The following LRRK2 variants were observed in gnomAD, a reference collection of about 807,000 sequenced individuals.
LRRK2 encodes leucine rich repeat kinase 2, also known as leucine-rich repeat serine/threonine-protein kinase 2.
LRRK2 carries 203 observed loss-of-function variants against 302.6 expected under a neutral mutation model. The ratio of observed to expected loss-of-function variants is 0.67; its 90% CI spans 0.60 to 0.75. The LOEUF (loss-of-function observed/expected upper bound fraction) is 0.75. LRRK2 is among the 30% of genes least tolerant of loss of function. LRRK2 has a pLI of 0.00. For missense variants in LRRK2, 2,830 were observed against 2,951.0 expected (o/e 0.96, Z 0.95); for synonymous variants, 1,066 against 1,031.9 (o/e 1.03, Z -0.63).
At chr12:40,300,928 C>T (rs73268092) in intron 25 of LRRK2, 1 of 470,884 alleles carries the variant, frequency 2.1e-6, no homozygotes, top group Non-Finnish European at 4.4e-6. Flanking sequence ...TCCAAAAGGA[C>T]CTTGAAGCTT....
intron 49 of LRRK2, 121 bp from the exon 50 acceptor site, chr12:40,366,885 T>C (rs1188505098): frequency 4.3e-6 from 3 of 698,572 alleles, no homozygotes; most frequent in East Asian, 5.7e-5. Flanking sequence ...ACCTAGAAAA[T>C]AGAATTGTGA....
intron 23 of LRRK2, among the ~76,000 whole-genome samples, chr12:40,297,194 A>G (rs1294290840): frequency 6.6e-6 from 1 of 152,222 alleles, no homozygotes; most frequent in African/African-American, 2.4e-5. Flanking sequence ...GAAACTTGGT[A>G]ATCCTTCAAT....
chr12:40,355,003 G>C (rs1042106234), intron 45 of LRRK2, among the ~76,000 whole-genome samples: 19 of 152,126 alleles, frequency 1.2e-4, no homozygotes, highest in African/African-American at 4.6e-4. Flanking sequence ...TTGTCCCAAA[G>C]AAATATATCT....
intron 2 of LRRK2, among the ~76,000 whole-genome samples, chr12:40,226,875 G>C (rs557112945): frequency 2.7e-4 from 41 of 152,250 alleles, no homozygotes; most frequent in Middle Eastern, 6.8e-3. Flanking sequence ...AGAAGTGCCT[G>C]ATTCTGGCCA....
chr12:40,297,683 A>G lies in LRRK2; in HGVS notation c.3097-560A>G, dbSNP rs111939128. 3.2e-3 allele frequency among the ~76,000 whole-genome samples: 480 copies of G among 152,276 alleles called. 5 individuals carry two copies. The highest frequency in any genetic ancestry group is 0.01 in the African/African-American group (424 of 41,576). On this transcript the variant is annotated intron_variant, in intron 23 of 50. Transcript: ENST00000298910. ...TACGTACCTAAGTTTTAAAAAATTGACATAATGTGTAAGTAGGGGTTTGCT... is the reference window on the plus strand; with the variant it reads ...TACGTACCTAAGTTTTAAAAAATTGGCATAATGTGTAAGTAGGGGTTTGCT...
At chr12:40,225,327 C>A in intron 1 of LRRK2, 45 bp downstream of exon 1, 1 of 1,605,364 alleles carries the variant, frequency 6.2e-7, no homozygotes, top group Non-Finnish European at 8.5e-7. Flanking sequence ...TGCAAACTTT[C>A]TCCCCCTCCT....
chr12:40,319,232 C>T (rs1278798753), intron 33 of LRRK2, among the ~76,000 whole-genome samples: 1 of 152,030 alleles, frequency 6.6e-6, no homozygotes, highest in Non-Finnish European at 1.5e-5. Context: ...ATTCTCAGGG[C>T]AATCTAAGAC....
intron 13 of LRRK2, among the ~76,000 whole-genome samples, chr12:40,262,399 T>C (rs1220015234): frequency 6.6e-6 from 1 of 152,136 alleles, no homozygotes; most frequent in Non-Finnish European, 1.5e-5. Context: ...ATTTTTAAGG[T>C]CAGGCCTGAT....
Position 40,314,108 on chromosome 12 carries a change from G to C in LRRK2, c.4673G>C (p.Arg1558Thr). The C allele has an allele frequency of 6.2e-7, 1 of 1,612,740 alleles. No individual in the cohort carries two copies. Among genetic ancestry groups the C allele is most frequent in the Non-Finnish European group, 8.5e-7 (1 of 1,179,046 alleles). Reference protein sequence around the residue: ...IDRKRLLQLVRENQLQLDENE... With the variant: ...IDRKRLLQLVTENQLQLDENE... ...CGGAAACGATTATTACAACTAGTGA[G>C]AGAAAATCAGCTGCAGTTAGATGAA... The change falls in exon 32 of 51, where the codon AGA (arginine) becomes ACA (threonine). Residue 1558 changes from arginine to threonine, a missense_variant. By Grantham distance (71) the Arg-to-Thr change is moderately conservative. Coordinates refer to ENST00000298910, the MANE Select transcript of LRRK2 (RefSeq NM_198578.4).
intron 22 of LRRK2, 59 bp from the exon 23 acceptor site, chr12:40,295,368 A>G: frequency 3.9e-6 from 6 of 1,523,436 alleles, no homozygotes; most frequent in Non-Finnish European, 5.4e-6. Context: ...CTAAACTTTT[A>G]CTACATGAAT....
chr12:40,320,016 C>T lies in LRRK2; in HGVS notation c.4856C>T (p.Pro1619Leu), dbSNP rs760912433. The change falls in exon 34 of 51, where the codon CCA becomes CTA. Residue 1619 changes from proline (P) to leucine (L), a missense_variant. This residue lies in a region of LRRK2 where 2,121 missense variants were observed against 2,148.0 expected (regional missense o/e 0.99). Transcript: ENST00000298910. ...TTGACAGTGAAAGTGGAAGGTTGTC[C>T]AAAACACCCTAAGGGCATTATTTCG... Reference protein sequence around the residue: ...QILTVKVEGCPKHPKGIISRR... With the variant: ...QILTVKVEGCLKHPKGIISRR... 2 of 1,610,200 alleles carry T rather than the reference C, an allele frequency of 1.2e-6. No individual in the cohort carries two copies. Among genetic ancestry groups the T allele is most frequent in the Admixed American group, 1.7e-5 (1 of 59,574 alleles).
At chr12:40,274,793 T>A (rs2136605735) in intron 15 of LRRK2, 61 bp from the exon 16 acceptor site, 1 of 1,609,214 alleles carries the variant, frequency 6.2e-7, no homozygotes, top group East Asian at 2.2e-5. Flanking sequence ...TGACTGGATG[T>A]CTTTAAATAT....
At chr12:40,262,325 ATAT>A (rs1361044402) in intron 13 of LRRK2, among the ~76,000 whole-genome samples, 1 of 152,070 alleles carries the variant, frequency 6.6e-6, no homozygotes, top group Non-Finnish European at 1.5e-5. Context: ...CATGAGGCAG[ATAT>A]TATTATTATT....
intron 46 of LRRK2, among the ~76,000 whole-genome samples, chr12:40,356,702 T>G (rs1946550061): frequency 6.6e-6 from 1 of 152,212 alleles, no homozygotes; most frequent in South Asian, 2.1e-4. Flanking sequence ...GCTTATTATC[T>G]GATGAGAGAC....
chr12:40,275,190 C>G (rs891605711), intron 16 of LRRK2, among the ~76,000 whole-genome samples, 197 bp downstream of exon 16: 1 of 152,168 alleles, frequency 6.6e-6, no homozygotes, highest in Non-Finnish European at 1.5e-5. Context: ...TATGAAATCT[C>G]TAAAGTCAGC....
At chr12:40,251,167 G>C (rs1168097152) in intron 8 of LRRK2, 65 bp from the exon 9 acceptor site, 1 of 1,103,354 alleles carries the variant, frequency 9.1e-7, no homozygotes, top group Non-Finnish European at 1.3e-6. Flanking sequence ...TGGACTTAGA[G>C]TTGGTCAAAC....
intron 7 of LRRK2, among the ~76,000 whole-genome samples, chr12:40,247,257 C>A (rs191410221): frequency 4.6e-5 from 7 of 151,904 alleles, no homozygotes; most frequent in Non-Finnish European, 8.8e-5. Flanking sequence ...TTTTTGTAAG[C>A]TGAATTCTAT....
intron 18 of LRRK2, among the ~76,000 whole-genome samples, chr12:40,282,194 T>C (rs906545872): frequency 7.2e-6 from 1 of 139,858 alleles, no homozygotes; most frequent in Non-Finnish European, 1.5e-5. Context: ...CCCTTCTCCT[T>C]CCTTCCTTCC....
At chr12:40,291,386 A>G (rs1366781691) in intron 20 of LRRK2, among the ~76,000 whole-genome samples, 2 of 151,352 alleles carry the variant, frequency 1.3e-5, no homozygotes, top group Non-Finnish European at 2.9e-5. Flanking sequence ...TATGTAACAA[A>G]CCTGCATGTT....
Sources: gnomAD v4.1 joint callset for allele counts (sites outside exome capture counted in the v4.1 genomes callset) on GRCh38, gnomAD v4.1.1 for gene constraint, gnomAD v4.1.1 regional missense constraint, MANE v1.5 for transcripts, NCBI Gene and HGNC (gene_info 2026-07-23, HGNC 2026-07-21) for gene names.